The following CIMIP1 variants were observed in gnomAD, a reference collection of about 807,000 sequenced individuals.
CIMIP1 encodes low in lung cancer 1.
the CIMIP1 span, chr20:58,153,395 A>G: frequency 3.1e-6 from 2 of 641,018 alleles, no homozygotes; most frequent in South Asian, 1.9e-5. Context: ...GGTGCTCAGC[A>G]TCAGAGGTTC....
At chr20:58,155,434 G>A in the CIMIP1 span, 41 of 1,543,104 alleles carry the variant, frequency 2.7e-5, no homozygotes, top group South Asian at 1.9e-4. Flanking sequence ...CCAGCTTCAC[G>A]TAAGACTTCC....
chr20:58,155,683 G>A, the CIMIP1 span: 5 of 812,660 alleles, frequency 6.2e-6, no homozygotes, highest in Non-Finnish European at 9.9e-6. Flanking sequence ...CTGAAGGTAA[G>A]AGCACAGCAG....
the CIMIP1 span, among the ~76,000 whole-genome samples, chr20:58,160,166 A>G: frequency 4.6e-5 from 7 of 152,320 alleles, no homozygotes; most frequent in African/African-American, 1.4e-4. Context: ...TCCAGATAGA[A>G]GCCCATTTTC....
At chr20:58,157,515 A>T in the CIMIP1 span, among the ~76,000 whole-genome samples, 1 of 152,174 alleles carries the variant, frequency 6.6e-6, no homozygotes, top group Non-Finnish European at 1.5e-5. Context: ...CTGCTTTGTA[A>T]TCTCATTTTT....
chr20:58,158,629 G>A, the CIMIP1 span, among the ~76,000 whole-genome samples: 3 of 151,470 alleles, frequency 2.0e-5, no homozygotes, highest in Non-Finnish European at 2.9e-5. Flanking sequence ...CAGCCTGGGC[G>A]ACAGAGTAAG....
chr20:58,153,455 G>C, the CIMIP1 span: 1 of 986,432 alleles, frequency 1.0e-6, no homozygotes. Flanking sequence ...CCACTGCCCA[G>C]TCAATGTTCG....
At chr20:58,159,526 A>G in the CIMIP1 span, among the ~76,000 whole-genome samples, 3 of 152,016 alleles carry the variant, frequency 2.0e-5, no homozygotes, top group Non-Finnish European at 4.4e-5. Context: ...AAAAAGGAAA[A>G]AAAAAAAAAG....
chr20:58,153,137 G>T, the CIMIP1 span, among the ~76,000 whole-genome samples: 2 of 152,312 alleles, frequency 1.3e-5, no homozygotes, highest in Admixed American at 6.5e-5. Context: ...TTTAGGAAAT[G>T]CTCCACGTCA....
At chr20:58,159,955 C>G in the CIMIP1 span, among the ~76,000 whole-genome samples, 1 of 152,372 alleles carries the variant, frequency 6.6e-6, no homozygotes, top group East Asian at 1.9e-4. Flanking sequence ...AAAGTGAACT[C>G]ATAACCCCAA....
the CIMIP1 span, among the ~76,000 whole-genome samples, chr20:58,152,824 G>A: frequency 6.7e-6 from 1 of 150,222 alleles, no homozygotes; most frequent in African/African-American, 2.5e-5. Flanking sequence ...GCTCATGTTT[G>A]TGGCTTATGT....
the CIMIP1 span, chr20:58,153,601 G>A: frequency 4.3e-6 from 7 of 1,613,654 alleles, no homozygotes; most frequent in Non-Finnish European, 5.9e-6. Flanking sequence ...AGAACTGGGG[G>A]TTTTTAACAA....
chr20:58,159,020 G>A, the CIMIP1 span, among the ~76,000 whole-genome samples: 3 of 152,152 alleles, frequency 2.0e-5, no homozygotes, highest in Non-Finnish European at 4.4e-5. Context: ...GCCTCCGTGG[G>A]TGGATATGCA....
chr20:58,156,310 AG>A, the CIMIP1 span, among the ~76,000 whole-genome samples: 1 of 152,314 alleles, frequency 6.6e-6, no homozygotes, highest in African/African-American at 2.4e-5. Context: ...TGAGGACTGA[AG>A]GATGACCAGG....
chr20:58,160,519 AT>A, the CIMIP1 span: 9 of 754,890 alleles, frequency 1.2e-5, no homozygotes, highest in Non-Finnish European at 1.6e-5. Context: ...AGTCCAGCTG[AT>A]TGGAATGTGC....
chr20:58,151,494 A>G, the CIMIP1 span, among the ~76,000 whole-genome samples: 1 of 151,854 alleles, frequency 6.6e-6, no homozygotes, highest in Non-Finnish European at 1.5e-5. Context: ...GCTCACTGCA[A>G]CCTCTGCCTC....
At chr20:58,155,485 A>C in the CIMIP1 span, 1 of 1,613,978 alleles carries the variant, frequency 6.2e-7, no homozygotes, top group South Asian at 1.1e-5. Flanking sequence ...AGTGTGAAGA[A>C]GATCTCCCCA....
At chr20:58,153,895 A>C in the CIMIP1 span, among the ~76,000 whole-genome samples, 1 of 152,190 alleles carries the variant, frequency 6.6e-6, no homozygotes, top group Non-Finnish European at 1.5e-5. Flanking sequence ...GCCCATTTAC[A>C]AATTAGGAAA....
At chr20:58,160,849 G>T in the CIMIP1 span, 6 of 1,595,800 alleles carry the variant, frequency 3.8e-6, no homozygotes, top group Non-Finnish European at 5.1e-6. Context: ...GCCCAGGGGT[G>T]CTGCATATCG....
At chr20:58,153,112 A>G in the CIMIP1 span, among the ~76,000 whole-genome samples, 2 of 152,204 alleles carry the variant, frequency 1.3e-5, no homozygotes, top group South Asian at 2.1e-4. Flanking sequence ...CAAGTGAGGC[A>G]CTTGCGCTGC....
Sources: allele counts gnomAD v4.1 joint callset (sites outside exome capture counted in the v4.1 genomes callset), GRCh38; gene constraint gnomAD v4.1.1; transcripts MANE v1.5; gene names NCBI Gene and HGNC (gene_info 2026-07-23, HGNC 2026-07-21).